CA10: variants seen among roughly 807,000 people sequenced by gnomAD.
The protein encoded by CA10 is carbonic anhydrase 10 (inactive), also known as carbonic anhydrase-related protein 10.
In CA10, 14 loss-of-function variants were observed where a neutral mutation model predicts 44.2. The observed-to-expected ratio is 0.32, with a 90% CI of 0.21 to 0.50. The LOEUF is 0.50. Among genes scored for constraint, CA10 ranks in the 20% least tolerant of loss-of-function variants. CA10 has a pLI of 0.99. For missense variants in CA10, 350 were observed against 409.7 expected (o/e 0.85, Z 1.26); for synonymous variants, 159 against 141.6 (o/e 1.12, Z -0.87).
At chr17:51,735,144 T>C (rs2143572407) in intron 4 of CA10, among the ~76,000 whole-genome samples, 1 of 152,316 alleles carries the variant, frequency 6.6e-6, no homozygotes, top group African/African-American at 2.4e-5. Flanking sequence ...CTCTGGATTC[T>C]TGTTAGATAT....
chr17:51,788,208 T>C (rs1906370430), intron 3 of CA10, among the ~76,000 whole-genome samples: 2 of 152,244 alleles, frequency 1.3e-5, no homozygotes, highest in Admixed American at 1.3e-4. Context: ...ATTGATCCTC[T>C]GGTCATTCAG....
intron 4 of CA10, among the ~76,000 whole-genome samples, chr17:51,685,907 C>T (rs1914992639): frequency 6.6e-6 from 1 of 152,362 alleles, no homozygotes; most frequent in East Asian, 1.9e-4. Flanking sequence ...GAGCTCAATG[C>T]TGGCTGTTGC....
intron 2 of CA10, among the ~76,000 whole-genome samples, chr17:51,949,572 G>A (rs1983407701): frequency 6.6e-6 from 1 of 152,128 alleles, no homozygotes; most frequent in Non-Finnish European, 1.5e-5. Flanking sequence ...CACAGGCAAG[G>A]AGGTTAGTCT....
At chr17:52,123,696 T>C (rs571843653) in intron 1 of CA10, among the ~76,000 whole-genome samples, 1 of 152,310 alleles carries the variant, frequency 6.6e-6, no homozygotes, top group East Asian at 1.9e-4. Flanking sequence ...TCTACTAGAA[T>C]GTAAGCTCTC....
intron 6 of CA10, among the ~76,000 whole-genome samples, chr17:51,639,036 C>T (rs1912961865): frequency 6.6e-6 from 1 of 152,130 alleles, no homozygotes; most frequent in Admixed American, 6.5e-5. Context: ...AGAAGGTCTT[C>T]CCAGCACTAC....
intron 4 of CA10, among the ~76,000 whole-genome samples, chr17:51,666,080 C>A (rs1377913218): frequency 6.6e-6 from 1 of 152,236 alleles, no homozygotes; most frequent in African/African-American, 2.4e-5. Flanking sequence ...AAACCAAATC[C>A]AAACAAAACA....
At chr17:51,641,156 CT>C (rs1433672585) in intron 6 of CA10, among the ~76,000 whole-genome samples, 61 of 75,284 alleles carry the variant, frequency 8.1e-4, no homozygotes, top group South Asian at 3.9e-3. Context: ...TCTCAGCTCT[CT>C]CTCTCTCTCC....
chr17:52,157,629 C>A (rs112463911), intron 1 of CA10, 97 bp downstream of exon 1: 9 of 1,106,604 alleles, frequency 8.1e-6, no homozygotes, highest in Non-Finnish European at 1.1e-5. Context: ...TCTCGCCACC[C>A]CTCTCTCTGC....
At chr17:52,111,757 A>G (rs1988793217) in intron 1 of CA10, among the ~76,000 whole-genome samples, 2 of 152,160 alleles carry the variant, frequency 1.3e-5, no homozygotes, top group African/African-American at 4.8e-5. Flanking sequence ...TCTACTATCA[A>G]CTTTATGTTC....
At chr17:51,720,396 G>T (rs1045442921) in intron 4 of CA10, among the ~76,000 whole-genome samples, 3 of 152,114 alleles carry the variant, frequency 2.0e-5, no homozygotes, top group African/African-American at 7.2e-5. Context: ...GACTTAAGGT[G>T]GGGACCCTAG....
chr17:51,999,654 T>C lies in CA10; in HGVS notation c.137-68522A>G, dbSNP rs560005263. Among the ~76,000 whole-genome samples, 11 of 152,180 alleles carry C rather than the reference T, an allele frequency of 7.2e-5. No homozygotes were observed. In the East Asian group the frequency reaches 2.1e-3, roughly 30 times the overall value. On this transcript the variant is annotated intron_variant, in intron 2 of 8. Transcript: ENST00000451037. Reference sequence around the variant, plus strand: ...GAAGGATGCCAGCTCTTCCTGCAGATCATTCCATCATCAAAGTTGAAAGCT... The same window carrying C: ...GAAGGATGCCAGCTCTTCCTGCAGACCATTCCATCATCAAAGTTGAAAGCT...
At chr17:51,951,823 T>C (rs1983495951) in intron 2 of CA10, among the ~76,000 whole-genome samples, 1 of 152,186 alleles carries the variant, frequency 6.6e-6, no homozygotes, top group Non-Finnish European at 1.5e-5. Flanking sequence ...TGAGGTTGCC[T>C]TGGGAGGGAG....
At chr17:51,831,733 A>AGCGGCGGCAGCGC (rs1567854687) in intron 3 of CA10, among the ~76,000 whole-genome samples, 1 of 121,522 alleles carries the variant, frequency 8.2e-6, no homozygotes, top group Non-Finnish European at 1.6e-5. Context: ...GCAGCAGCAG[A>AGCGGCGGCAGCGC]AAAAGACCTT....
At chr17:51,701,177 C>G (rs1162166529) in intron 4 of CA10, among the ~76,000 whole-genome samples, 1 of 152,062 alleles carries the variant, frequency 6.6e-6, no homozygotes, top group Non-Finnish European at 1.5e-5. Context: ...GTGCTATGCT[C>G]TCTCCCAGGT....
At chr17:51,712,655 G>C (rs1487639558) in intron 4 of CA10, among the ~76,000 whole-genome samples, 3 of 152,150 alleles carry the variant, frequency 2.0e-5, no homozygotes, top group African/African-American at 7.2e-5. Context: ...CATAAAGCCA[G>C]GCACATTGAG....
intron 2 of CA10, among the ~76,000 whole-genome samples, chr17:51,950,206 CA>C (rs942564116): frequency 1.3e-5 from 2 of 152,082 alleles, no homozygotes; most frequent in African/African-American, 4.8e-5. Flanking sequence ...CAGGGCTGCT[CA>C]AAGGTCAATC....
chr17:51,924,463 T>C (rs986784288), intron 3 of CA10, among the ~76,000 whole-genome samples: 1 of 152,302 alleles, frequency 6.6e-6, no homozygotes, highest in South Asian at 2.1e-4. Flanking sequence ...ATTTATTTCA[T>C]GGGAAATGTG....
intron 3 of CA10, among the ~76,000 whole-genome samples, chr17:51,749,161 G>A (rs919499263): frequency 2.6e-5 from 4 of 152,172 alleles, no homozygotes; most frequent in African/African-American, 9.7e-5. Flanking sequence ...GAGATTATGT[G>A]CAGTTTACAA....
intron 3 of CA10, among the ~76,000 whole-genome samples, chr17:51,920,487 AAAG>A (rs1982185637): frequency 6.6e-6 from 1 of 152,170 alleles, no homozygotes; most frequent in Admixed American, 6.5e-5. Flanking sequence ...ATGATGCAGG[AAAG>A]AAGAGTAAAG....
Sources: gnomAD v4.1 joint callset for allele counts (sites outside exome capture counted in the v4.1 genomes callset) on GRCh38, gnomAD v4.1.1 for gene constraint, MANE v1.5 for transcripts, NCBI Gene and HGNC (gene_info 2026-07-23, HGNC 2026-07-21) for gene names.